KCNIP4: variants seen among roughly 807,000 people sequenced by gnomAD.
KCNIP4 encodes the protein Kv channel-interacting protein 4.
Under a neutral mutation model 34.0 loss-of-function variants are expected in KCNIP4, and 12 were observed. That is an observed-to-expected ratio of 0.35 (90% CI 0.23 to 0.57). The LOEUF is 0.57. Among genes scored for constraint, KCNIP4 ranks in the 20% least tolerant of loss-of-function variants. The pLI is 0.83. For missense variants in KCNIP4, 238 were observed against 311.7 expected, an observed-to-expected ratio of 0.76 and a Z score of 1.78; for synonymous variants, 124 against 102.2, an observed-to-expected ratio of 1.21 and a Z score of -1.29.
intron 1 of KCNIP4, among the ~76,000 whole-genome samples, chr4:21,562,666 T>C (rs1223925895): frequency 6.6e-6 from 1 of 152,034 alleles, no homozygotes; most frequent in East Asian, 1.9e-4. Flanking sequence ...TTTTAAAAAC[T>C]GTAGTAAACT....
At chr4:21,704,345 G>C (rs778945705) in intron 1 of KCNIP4, among the ~76,000 whole-genome samples, 4 of 151,952 alleles carry the variant, frequency 2.6e-5, no homozygotes, top group Non-Finnish European at 4.4e-5. Context: ...AGCCATAAAA[G>C]GAAAAATTAA....
intron 3 of KCNIP4, among the ~76,000 whole-genome samples, chr4:20,829,138 T>C (rs1718116746): frequency 6.6e-6 from 1 of 152,188 alleles, no homozygotes; most frequent in Non-Finnish European, 1.5e-5. Flanking sequence ...GTGAAGTGTG[T>C]CTTCTCTAAG....
intron 5 of KCNIP4, among the ~76,000 whole-genome samples, chr4:20,734,969 A>T (rs1400748102): frequency 6.6e-6 from 1 of 152,152 alleles, no homozygotes; most frequent in South Asian, 2.1e-4. Context: ...TCATACTGGA[A>T]ATTGTACCAG....
At chr4:21,336,801 C>A (rs2109337103) in intron 1 of KCNIP4, among the ~76,000 whole-genome samples, 1 of 152,184 alleles carries the variant, frequency 6.6e-6, no homozygotes. Flanking sequence ...GCTCCTTTCA[C>A]CTTCCGTCCT....
intron 3 of KCNIP4, among the ~76,000 whole-genome samples, chr4:20,812,501 A>C (rs927133445): frequency 3.3e-5 from 5 of 152,206 alleles, no homozygotes; most frequent in Non-Finnish European, 4.4e-5. Context: ...ACATTTCACC[A>C]AGGGAAGAGT....
intron 1 of KCNIP4, among the ~76,000 whole-genome samples, chr4:21,554,515 AC>A (rs1438420551): frequency 6.6e-6 from 1 of 152,164 alleles, no homozygotes; most frequent in Non-Finnish European, 1.5e-5. Context: ...TAATGAGAAA[AC>A]ACCAAGAGCA....
chr4:21,485,569 C>G (rs569120588), intron 1 of KCNIP4, among the ~76,000 whole-genome samples: 2 of 152,274 alleles, frequency 1.3e-5, no homozygotes, highest in South Asian at 2.1e-4. Flanking sequence ...GCTCAGAATA[C>G]CCTTTTCACT....
At chr4:21,218,081 T>A (rs1009222628) in intron 1 of KCNIP4, among the ~76,000 whole-genome samples, 1 of 151,806 alleles carries the variant, frequency 6.6e-6, no homozygotes, top group Admixed American at 6.6e-5. Context: ...AATGGTAGGA[T>A]CTCGGCTACC....
intron 1 of KCNIP4, among the ~76,000 whole-genome samples, chr4:21,374,310 G>A (rs1311560410): frequency 6.8e-6 from 1 of 147,180 alleles, no homozygotes; most frequent in Non-Finnish European, 1.5e-5. Context: ...ATGGCGGAAG[G>A]TGAAAGGCAA....
At position 20,925,173 on chromosome 4, in the gene KCNIP4, C is replaced by A. The variant is rs79909526; in HGVS notation, c.62-42464G>T. 6.4e-3 allele frequency among the ~76,000 whole-genome samples: 973 copies of A among 152,190 alleles called. 17 individuals are homozygous for A. The highest frequency in any genetic ancestry group is 0.023 in the African/African-American group (936 of 41,512). ...CTGTGTTGGGAGTCCCACATACCCG[C>A]TCGGTGAGGGTATTTGGATGAGGAT... On this transcript the variant is annotated intron_variant, in intron 1 of 8. Coordinates refer to ENST00000382152, the MANE Select transcript of KCNIP4 (RefSeq NM_025221.6).
chr4:21,869,295 T>C (rs866950362), intron 1 of KCNIP4, among the ~76,000 whole-genome samples: 1 of 152,158 alleles, frequency 6.6e-6, no homozygotes, highest in Non-Finnish European at 1.5e-5. Context: ...GTGTGGAGTA[T>C]GGAGAACTCC....
intron 1 of KCNIP4, among the ~76,000 whole-genome samples, chr4:20,940,765 G>C (rs543719255): frequency 6.6e-6 from 1 of 152,122 alleles, no homozygotes; most frequent in African/African-American, 2.4e-5. Context: ...ATTACTTCTT[G>C]TATCAGTCTT....
At chr4:20,864,010 ATG>A (rs754959572) in intron 2 of KCNIP4, among the ~76,000 whole-genome samples, 42 of 145,786 alleles carry the variant, frequency 2.9e-4, no homozygotes, top group African/African-American at 1.1e-3. Flanking sequence ...GTACATGTAA[ATG>A]TGTGTATGTA....
At chr4:20,942,695 G>A (rs545770298) in intron 1 of KCNIP4, among the ~76,000 whole-genome samples, 65 of 152,126 alleles carry the variant, frequency 4.3e-4, no homozygotes, top group Admixed American at 3.7e-3. Context: ...TTTTGAGACA[G>A]AGTTTTGCTC....
chr4:21,548,274 G>C (rs1464471566), intron 1 of KCNIP4, among the ~76,000 whole-genome samples: 1 of 151,950 alleles, frequency 6.6e-6, no homozygotes, highest in Non-Finnish European at 1.5e-5. Flanking sequence ...TATTCAACTT[G>C]TAGTACATTT....
intron 8 of KCNIP4, chr4:20,731,688 G>A: frequency 1.0e-6 from 1 of 985,180 alleles, no homozygotes; most frequent in Non-Finnish European, 1.2e-6. Flanking sequence ...GCTAAGTTTT[G>A]GCAAAGAGCA....
chr4:21,862,360 C>T (rs1024427373), intron 1 of KCNIP4, among the ~76,000 whole-genome samples: 2 of 152,138 alleles, frequency 1.3e-5, no homozygotes, highest in Non-Finnish European at 2.9e-5. Flanking sequence ...GTCCTAGATG[C>T]TGACAATATA....
chr4:21,449,405 T>A (rs1728316688), intron 1 of KCNIP4, among the ~76,000 whole-genome samples: 1 of 151,966 alleles, frequency 6.6e-6, no homozygotes, highest in African/African-American at 2.4e-5. Context: ...ATATTTAGAG[T>A]CTCACCCATA....
intron 1 of KCNIP4, among the ~76,000 whole-genome samples, chr4:21,722,840 C>G (rs1191863878): frequency 1.3e-5 from 2 of 152,072 alleles, no homozygotes; most frequent in Non-Finnish European, 2.9e-5. Flanking sequence ...TTGTGCCACT[C>G]TATGGTTAAA....
Sources: allele counts gnomAD v4.1 joint callset (sites outside exome capture counted in the v4.1 genomes callset), GRCh38; gene constraint gnomAD v4.1.1; transcripts MANE v1.5; gene names NCBI Gene and HGNC (gene_info 2026-07-23, HGNC 2026-07-21).